Variants in PRRC1 observed in about 807,000 individuals in gnomAD.
PRRC1 encodes protein PRRC1.
Under a neutral mutation model 40.7 loss-of-function variants are expected in PRRC1, and 39 were observed. That is an observed-to-expected ratio of 0.96 (90% confidence interval 0.74 to 1.25). The LOEUF (loss-of-function observed/expected upper bound fraction) is 1.25. Among genes scored for constraint, PRRC1 ranks in the 50% most tolerant of loss-of-function variants. The probability of loss-of-function intolerance (pLI) is 0.00; values close to 1 mark genes in which losing one functional copy is unlikely to be tolerated. For missense variants in PRRC1, 573 were observed against 548.3 expected (o/e 1.05, Z -0.45); for synonymous variants, 175 against 193.3 (o/e 0.91, Z 0.79).
chr5:127,529,863 ACT>A (rs1409950246), intron 4 of PRRC1, among the ~76,000 whole-genome samples: 1 of 151,832 alleles, frequency 6.6e-6, no homozygotes, highest in African/African-American at 2.4e-5. Context: ...AGGTGTTTTT[ACT>A]CTTTTTATTT....
chr5:127,551,890 C>T lies in PRRC1; in HGVS notation c.1312C>T (p.Gln438Ter). 6.2e-7 allele frequency: 1 copy of T among 1,614,088 alleles called. No homozygotes were observed. Among genetic ancestry groups the T allele is most frequent in the Non-Finnish European group, 8.5e-7 (1 of 1,179,974 alleles). The change falls in exon 9 of 9, where the codon CAG (glutamine) becomes TAG (stop). Residue 438 changes from glutamine (Q) to a stop codon, truncating the protein, a stop_gained. Coordinates refer to ENST00000296666, the MANE Select transcript of PRRC1 (RefSeq NM_130809.5). LOFTEE classifies it high-confidence loss of function. ...CAGAGCGATAGCGGGCATGTATAAACAGCGCCTGCCACCCAGGACAGTGTG... is the reference window on the plus strand; with the variant it reads ...CAGAGCGATAGCGGGCATGTATAAATAGCGCCTGCCACCCAGGACAGTGTG... The part of the protein sequence containing the change: ...AARAIAGMYK[Q>*]RLPPRTV
In PRRC1 at chr5:127,541,551, A is replaced by C. The variant is rs906268631; in HGVS notation, c.1025+2408A>C. Among the ~76,000 whole-genome samples the C allele has an allele frequency of 3.9e-5, 6 of 151,950 alleles. No homozygotes were observed. In the East Asian group the frequency reaches 9.7e-4, roughly 24 times the overall value. ...CTATTGATTATTGCCACAATTTGAG[A>C]TCCTGTTATTGGTCTATTCAGAGAT... On this transcript the variant is annotated intron_variant, in intron 7 of 8. Transcript: ENST00000296666.
At chr5:127,545,916 TTTGCTTGC>T (rs35258721) in intron 7 of PRRC1, among the ~76,000 whole-genome samples, 15 of 151,708 alleles carry the variant, frequency 9.9e-5, no homozygotes, top group African/African-American at 2.9e-4. Flanking sequence ...ATTATATGTA[TTTGCTTGC>T]TTGCTTGCTC....
At chr5:127,548,081 C>A (rs978546576) in intron 8 of PRRC1, 160 bp downstream of exon 8, 2 of 690,688 alleles carry the variant, frequency 2.9e-6, no homozygotes, top group South Asian at 1.6e-5. Flanking sequence ...TTTCCTGATC[C>A]TTCCATGTTG....
At chr5:127,542,458 A>T (rs974107511) in intron 7 of PRRC1, among the ~76,000 whole-genome samples, 32 of 152,008 alleles carry the variant, frequency 2.1e-4, no homozygotes, top group African/African-American at 6.8e-4. Context: ...TGATCTGTCT[A>T]ATGTTGACAG....
rs1767834446 is a variant in PRRC1 at position 127,533,864 on chromosome 5, T to A, written c.921+78T>A. On this transcript the variant is annotated intron_variant, in intron 6 of 8. Transcript: ENST00000296666. ...CACAATTCTGATAATCTGTTGTCTC[T>A]ATGGAGCTAATAGACTTTTACATAC... 6.8e-6 allele frequency: 10 copies of A among 1,468,938 alleles called. No homozygotes were observed. The East Asian group carries it at 2.3e-4, about 33-fold the overall frequency. The allele number at this position is 1,468,938 out of a possible 1,614,324, so 91.0% of individuals were successfully genotyped here.
Position 127,552,007 on chromosome 5 carries a change from A to G in PRRC1, c.*91A>G. The G allele has an allele frequency of 6.5e-7, 1 of 1,540,884 alleles. No homozygotes were observed. Among genetic ancestry groups the G allele is most frequent in the Non-Finnish European group, 8.8e-7 (1 of 1,141,452 alleles). ...TACCTTCCTAAATCGAATAGTCTAA[A>G]TGAATCCAGTAGTTTTTATCATTTT... On this transcript the variant is annotated 3_prime_UTR_variant, in exon 9 of 9. Transcript: ENST00000296666.
rs1177898865 is a variant in PRRC1 at position 127,544,662 on chromosome 5, G to A, written c.1026-3157G>A. ...CTGTGCCAGCAATCAGCGGGACTCC[G>A]TGGGCATAGGACCCTCTGAACCAGG... is the stretch of plus-strand genomic sequence containing the variant. On this transcript the variant is annotated intron_variant, in intron 7 of 8. Coordinates refer to ENST00000296666, the MANE Select transcript of PRRC1 (RefSeq NM_130809.5). Among the ~76,000 whole-genome samples, 4 of 152,222 alleles carry A rather than the reference G, an allele frequency of 2.6e-5. No homozygotes were observed. The East Asian group carries it at 5.8e-4, about 22-fold the overall frequency.
chr5:127,532,837 C>A (rs76167103), intron 5 of PRRC1, among the ~76,000 whole-genome samples: 2,931 of 152,068 alleles, frequency 0.019, 50 homozygotes, highest in Middle Eastern at 0.027. Context: ...TCTCTTTTGC[C>A]GGTGATAACT....
intron 7 of PRRC1, 59 bp downstream of exon 7, chr5:127,539,202 G>C (rs1329882390): frequency 1.2e-5 from 15 of 1,271,832 alleles, no homozygotes; most frequent in Middle Eastern, 3.7e-4. Context: ...AGTTGACACT[G>C]AATACTTAGC....
intron 7 of PRRC1, among the ~76,000 whole-genome samples, chr5:127,545,614 C>G (rs1267167697): frequency 7.7e-6 from 1 of 129,230 alleles, no homozygotes; most frequent in Non-Finnish European, 1.6e-5. Flanking sequence ...GGAAGGGGAA[C>G]AGCACACTCT....
At chr5:127,532,175 C>G (rs973263341) in intron 5 of PRRC1, among the ~76,000 whole-genome samples, 2 of 150,780 alleles carry the variant, frequency 1.3e-5, no homozygotes, top group Non-Finnish European at 2.9e-5. Context: ...GTGGTGCAAT[C>G]TCAGCTCACT....
chr5:127,536,401 C>T (rs994602822), intron 6 of PRRC1, among the ~76,000 whole-genome samples: 4 of 151,966 alleles, frequency 2.6e-5, no homozygotes, highest in South Asian at 2.1e-4. Context: ...TTCATACGGG[C>T]GATTTTTACT....
At chr5:127,521,611 T>C (rs1444128081) in intron 1 of PRRC1, among the ~76,000 whole-genome samples, 1 of 152,230 alleles carries the variant, frequency 6.6e-6, no homozygotes, top group African/African-American at 2.4e-5. Flanking sequence ...GCTATTTCTT[T>C]TGTGGCACCG....
chr5:127,527,712 C>G (rs1451496040), intron 4 of PRRC1, among the ~76,000 whole-genome samples: 1 of 125,540 alleles, frequency 8.0e-6, no homozygotes, highest in African/African-American at 3.1e-5. Flanking sequence ...GAGCTGTGAT[C>G]ATGATACTAC....
In PRRC1 at chr5:127,524,896, T is replaced by C. The variant is rs1008879105; in HGVS notation, c.469T>C (p.Ser157Pro). Residue 157 changes from serine to proline, a missense_variant, in exon 3 of 9, where the codon TCA becomes CCA. Ser to Pro is a moderately conservative substitution (Grantham distance 74, BLOSUM62 -1). Coordinates refer to ENST00000296666, the MANE Select transcript of PRRC1 (RefSeq NM_130809.5). ...GRAPQTPLMPSFSAPSGTGLL... is the reference protein window; with the variant it reads ...GRAPQTPLMPPFSAPSGTGLL... The stretch of plus-strand genomic sequence containing the variant: ...AGCTCCCCAGACACCCCTGATGCCA[T>C]CATTTTCTGCACCTTCAGGAACAGG... 3 of 1,607,172 alleles carry C rather than the reference T, an allele frequency of 1.9e-6. No individual in the cohort carries two copies. The highest frequency in any genetic ancestry group is 2.6e-6 in the Non-Finnish European group (3 of 1,175,522).
Position 127,552,056 on chromosome 5 carries a change from C to A in PRRC1, c.*140C>A. 6.9e-7 allele frequency: 1 copy of A among 1,446,894 alleles called. No individual in the cohort carries two copies. Among genetic ancestry groups the A allele is most frequent in the African/African-American group, 1.4e-5 (1 of 69,990 alleles). 89.6% of individuals were successfully genotyped at this position (1,446,894 alleles called of 1,614,324 possible). A position where few individuals can be genotyped will look rare whatever the true frequency, so the allele number is the denominator to read the frequency against. On this transcript the variant is annotated 3_prime_UTR_variant, in exon 9 of 9. Transcript: ENST00000296666. ...TTCCTGTAGCCTGCAATTTTTCTTT[C>A]TCTAGAAAGGCATCATGTCATTCCA...
rs1768424287 is a variant in PRRC1 at position 127,552,678 on chromosome 5, T to G, written c.*762T>G. The G allele has an allele frequency of 1.0e-6, 1 of 981,746 alleles. No homozygotes were observed. Among genetic ancestry groups the G allele is most frequent in the Admixed American group, 6.1e-5 (1 of 16,262 alleles). The allele number at this position is 981,746 out of a possible 1,614,324, so 60.8% of individuals were successfully genotyped here. A position where few individuals can be genotyped will look rare whatever the true frequency, so the allele number is the denominator to read the frequency against. On this transcript the variant is annotated 3_prime_UTR_variant, in exon 9 of 9. Coordinates refer to ENST00000296666, the MANE Select transcript of PRRC1 (RefSeq NM_130809.5). ...ATATTTTAAATCAGAAGTATTCAAA[T>G]TATTTTTGTATAATACTGTTCAGTA...
chr5:127,538,365 C>A (rs1767952244), intron 6 of PRRC1, among the ~76,000 whole-genome samples: 1 of 152,020 alleles, frequency 6.6e-6, no homozygotes, highest in Non-Finnish European at 1.5e-5. Flanking sequence ...AACACATATT[C>A]ATCACATTGT....
Sources: gnomAD v4.1 joint callset for allele counts (sites outside exome capture counted in the v4.1 genomes callset) on GRCh38, gnomAD v4.1.1 for gene constraint, MANE v1.5 for transcripts, NCBI Gene and HGNC (gene_info 2026-07-23, HGNC 2026-07-21) for gene names.